The following RARB variants were observed in gnomAD, a reference collection of about 807,000 sequenced individuals.
RARB encodes the protein retinoic acid receptor beta, also known as HBV-activated protein.
A neutral mutation model predicts 51.9 loss-of-function variants in RARB; 17 were observed. The observed-to-expected ratio is 0.33, with a 90% CI of 0.22 to 0.49. RARB has a LOEUF of 0.49. Among genes scored for constraint, RARB ranks in the 20% least tolerant of loss-of-function variants. RARB has a pLI of 0.99. For synonymous variants in RARB, 215 were observed against 195.4 expected, an observed-to-expected ratio of 1.10 and a Z score of -0.84; for missense variants, 369 against 550.8, an observed-to-expected ratio of 0.67 and a Z score of 3.30.
At chr3:25,448,049 T>A (rs1321093236) in intron 1 of RARB, among the ~76,000 whole-genome samples, 1 of 151,962 alleles carries the variant, frequency 6.6e-6, no homozygotes, top group African/African-American at 2.4e-5. Context: ...CAATGAAGAA[T>A]ATACTATCAT....
chr3:25,546,338 C>T (rs752352206), intron 3 of RARB, among the ~76,000 whole-genome samples: 2 of 152,128 alleles, frequency 1.3e-5, no homozygotes, highest in Admixed American at 1.3e-4. Flanking sequence ...GTGTCTGCTC[C>T]GTCGAGCACA....
At chr3:25,232,979 T>C (rs555408687) in intron 5 of RARB, among the ~76,000 whole-genome samples, 21 of 146,396 alleles carry the variant, frequency 1.4e-4, no homozygotes, top group Admixed American at 4.1e-4. Context: ...TTTTCTTTTT[T>C]TTTTTTTTTT....
chr3:24,999,616 T>A (rs564935861), intron 2 of RARB, among the ~76,000 whole-genome samples: 1 of 152,240 alleles, frequency 6.6e-6, no homozygotes, highest in African/African-American at 2.4e-5. Flanking sequence ...GTGCCCAAAT[T>A]CAAGACCAAC....
chr3:25,025,704 A>G (rs1477475558), intron 2 of RARB, among the ~76,000 whole-genome samples: 1 of 152,154 alleles, frequency 6.6e-6, no homozygotes, highest in African/African-American at 2.4e-5. Flanking sequence ...GTAGCCTGGT[A>G]TCCTGGGTTT....
At chr3:24,992,500 C>T (rs2125435660) in intron 2 of RARB, among the ~76,000 whole-genome samples, 1 of 152,256 alleles carries the variant, frequency 6.6e-6, no homozygotes, top group East Asian at 1.9e-4. Flanking sequence ...TAAGAAAAAG[C>T]ACTACTGATC....
intron 1 of RARB, among the ~76,000 whole-genome samples, chr3:24,839,093 T>C (rs2125329352): frequency 6.6e-6 from 1 of 152,198 alleles, no homozygotes; most frequent in South Asian, 2.1e-4. Flanking sequence ...TTTAATATGA[T>C]AGAAAATACT....
intron 3 of RARB, among the ~76,000 whole-genome samples, chr3:25,513,744 G>A (rs1030434257): frequency 1.3e-5 from 2 of 151,110 alleles, no homozygotes; most frequent in Non-Finnish European, 2.9e-5. Flanking sequence ...CACTAAAAGG[G>A]AAAACGGTGC....
chr3:25,156,516 CAAAAAAAAAAAAA>C lies in RARB; in HGVS notation c.-279-17584_-279-17572del, dbSNP rs35710364. 4.2e-3 allele frequency among the ~76,000 whole-genome samples: 236 copies of C among 56,834 alleles called. 1 individual carries two copies. Among genetic ancestry groups the C allele is most frequent in the African/African-American group, 0.016 (215 of 13,592 alleles). The allele number at this position is 56,834 out of a possible 152,430, so 37.3% of individuals were successfully genotyped here. A position where few individuals can be genotyped will look rare whatever the true frequency, so the allele number is the denominator to read the frequency against. On this transcript the variant is annotated intron_variant, in intron 4 of 11. Transcript: ENST00000383772. The stretch of plus-strand genomic sequence containing the variant: ...ATCACACAAATTCTAGCCCCAACTG[CAAAAAAAAAAAAA>C]AAAAAAAAAAAAAAAAAAGGCAGTT...
intron 2 of RARB, among the ~76,000 whole-genome samples, chr3:24,930,479 T>C (rs1026620216): frequency 1.3e-5 from 2 of 152,216 alleles, no homozygotes; most frequent in South Asian, 4.1e-4. Context: ...AGCCATTCAA[T>C]AGGGCTTTGA....
At chr3:25,345,613 C>T (rs1027120683) in intron 5 of RARB, among the ~76,000 whole-genome samples, 6 of 145,242 alleles carry the variant, frequency 4.1e-5, no homozygotes, top group African/African-American at 1.6e-4. Context: ...TGCAGTGAGC[C>T]GAGATCGTGC....
At chr3:25,333,189 A>G (rs1704957411) in intron 5 of RARB, among the ~76,000 whole-genome samples, 1 of 152,078 alleles carries the variant, frequency 6.6e-6, no homozygotes, top group Non-Finnish European at 1.5e-5. Flanking sequence ...TAAAGTTCAT[A>G]TGGAACCAAA....
At chr3:25,433,944 G>A (rs1433124053) in intron 1 of RARB, among the ~76,000 whole-genome samples, 1 of 152,330 alleles carries the variant, frequency 6.6e-6, no homozygotes, top group East Asian at 1.9e-4. Flanking sequence ...AGCTTTCAGA[G>A]CTTCTTAGAT....
intron 4 of RARB, among the ~76,000 whole-genome samples, chr3:25,138,926 GTC>G (rs754050670): frequency 7.9e-5 from 12 of 152,156 alleles, no homozygotes; most frequent in Non-Finnish European, 1.6e-4. Flanking sequence ...CTCACTTCCT[GTC>G]TCTGTCACAA....
At chr3:25,550,494 C>T (rs1575510072) in intron 3 of RARB, among the ~76,000 whole-genome samples, 1 of 152,044 alleles carries the variant, frequency 6.6e-6, no homozygotes, top group Admixed American at 6.6e-5. Flanking sequence ...AAGCAAGCTC[C>T]CTCAGGACTC....
chr3:25,315,889 G>A (rs982828831), intron 5 of RARB, among the ~76,000 whole-genome samples: 2 of 151,926 alleles, frequency 1.3e-5, no homozygotes, highest in African/African-American at 4.8e-5. Context: ...AAAGTTCTGG[G>A]ATTACAGGCA....
rs140041044 is a variant in RARB, at chr3:25,014,933, T to C, written c.-379-45192T>C. Among the ~76,000 whole-genome samples the C allele has an allele frequency of 4.5e-3, 687 of 152,300 alleles. 3 individuals are homozygous for C. Among genetic ancestry groups the C allele is most frequent in the African/African-American group, 0.016 (658 of 41,570 alleles). On this transcript the variant is annotated intron_variant, in intron 2 of 11. Transcript: ENST00000383772. ...TTATACTTCTGTTTCTATTTGTCTT[T>C]ATGGAGTCCACAAATATTAAAACCA...
chr3:25,082,470 T>C (rs1699027122), intron 3 of RARB, among the ~76,000 whole-genome samples: 1 of 152,082 alleles, frequency 6.6e-6, no homozygotes, highest in Non-Finnish European at 1.5e-5. Flanking sequence ...TATTATAATA[T>C]ACACCTTCAA....
At chr3:25,191,398 A>G (rs1215355184) in intron 5 of RARB, among the ~76,000 whole-genome samples, 1 of 152,094 alleles carries the variant, frequency 6.6e-6, no homozygotes, top group African/African-American at 2.4e-5. Flanking sequence ...TCATTGGTTT[A>G]AACTTTTATC....
intron 5 of RARB, among the ~76,000 whole-genome samples, chr3:25,304,035 C>T (rs1292022620): frequency 1.3e-5 from 2 of 152,114 alleles, no homozygotes; most frequent in Non-Finnish European, 2.9e-5. Context: ...CCTCCTAGAC[C>T]CATCTTGACT....
Sources: gnomAD v4.1 joint callset for allele counts (sites outside exome capture counted in the v4.1 genomes callset) on GRCh38, gnomAD v4.1.1 for gene constraint, MANE v1.5 for transcripts, NCBI Gene and HGNC (gene_info 2026-07-23, HGNC 2026-07-21) for gene names.